The following GNAQ variants were observed in gnomAD, a reference collection of about 807,000 sequenced individuals.
GNAQ encodes the protein G protein subunit alpha q, also known as guanine nucleotide-binding protein G(q) subunit alpha.
A neutral mutation model predicts 43.9 loss-of-function variants in GNAQ; 8 were observed. That is an observed-to-expected ratio of 0.18 (90% CI 0.11 to 0.33). The LOEUF (loss-of-function observed/expected upper bound fraction) is 0.33, where lower values mean the gene tolerates loss of function less well. GNAQ is among the 10% of genes least tolerant of loss of function. The pLI is 1.00. For synonymous variants in GNAQ, 155 were observed against 170.7 expected (o/e 0.91, Z 0.71); for missense variants, 158 against 450.8 (o/e 0.35, Z 5.88).
chr9:77,830,961 T>A (rs181011345), intron 2 of GNAQ, among the ~76,000 whole-genome samples: 2 of 152,320 alleles, frequency 1.3e-5, no homozygotes, highest in East Asian at 3.9e-4. Flanking sequence ...TAATGCAACA[T>A]CTTTCAGTTA....
At chr9:77,835,421 A>G (rs1827367318) in intron 2 of GNAQ, among the ~76,000 whole-genome samples, 1 of 152,140 alleles carries the variant, frequency 6.6e-6, no homozygotes, top group African/African-American at 2.4e-5. Context: ...GAGGCTAGTG[A>G]GGAAAGGAAA....
intron 2 of GNAQ, among the ~76,000 whole-genome samples, chr9:77,887,196 G>T (rs1828322491): frequency 6.6e-6 from 1 of 152,106 alleles, no homozygotes; most frequent in Non-Finnish European, 1.5e-5. Flanking sequence ...GCTGAGCAGG[G>T]TCTCCCATGT....
chr9:77,966,499 AATT>A (rs770353362), intron 1 of GNAQ, among the ~76,000 whole-genome samples: 4 of 152,196 alleles, frequency 2.6e-5, no homozygotes, highest in Non-Finnish European at 5.9e-5. Context: ...TTTTTAAGGT[AATT>A]ATGCTTCCCC....
chr9:77,962,445 T>C (rs1477138274), intron 1 of GNAQ, among the ~76,000 whole-genome samples: 1 of 152,076 alleles, frequency 6.6e-6, no homozygotes, highest in Non-Finnish European at 1.5e-5. Context: ...AAAGACACTT[T>C]ACATGTAAAG....
chr9:77,808,211 T>C lies in GNAQ; in HGVS notation c.476+7405A>G, dbSNP rs141297380. ...AACTGGGGCTAAACCCAGCCCTTTT[T>C]CCTGTTCCTTCTCTGTAATGAAGGT... On this transcript the variant is annotated intron_variant, in intron 3 of 6. Coordinates refer to ENST00000286548, the MANE Select transcript of GNAQ (RefSeq NM_002072.5). Among the ~76,000 whole-genome samples, 161 of 152,172 alleles carry C rather than the reference T, an allele frequency of 1.1e-3. 3 individuals carry two copies. In the East Asian group the frequency reaches 0.026, roughly 25 times the overall value.
At chr9:77,732,581 G>T (rs190094593) in intron 5 of GNAQ, among the ~76,000 whole-genome samples, 94 of 152,288 alleles carry the variant, frequency 6.2e-4, no homozygotes, top group African/African-American at 2.2e-3. Context: ...GGCCAGGCTG[G>T]TAATGAACTC....
intron 1 of GNAQ, among the ~76,000 whole-genome samples, chr9:78,000,863 T>C (rs1224554588): frequency 1.3e-5 from 2 of 152,174 alleles, no homozygotes; most frequent in East Asian, 1.9e-4. Flanking sequence ...TTTAAAAGTA[T>C]GTAATCCCCA....
In GNAQ at chr9:77,906,214, T is replaced by A. The variant is rs1028071315; in HGVS notation, c.321+15947A>T. Among the ~76,000 whole-genome samples the A allele has an allele frequency of 7.9e-5, 12 of 152,288 alleles. 1 individual carries two copies. The highest frequency in any genetic ancestry group is 7.8e-4 in the Admixed American group (12 of 15,288). ...GTTTAATGATTTGAAAATATCTTAA[T>A]CTCTGGAATGAATATAGAGGAAATT... On this transcript the variant is annotated intron_variant, in intron 2 of 6. Transcript: ENST00000286548.
chr9:77,909,249 T>C (rs546421691), intron 2 of GNAQ, among the ~76,000 whole-genome samples: 18 of 152,318 alleles, frequency 1.2e-4, no homozygotes, highest in African/African-American at 4.1e-4. Flanking sequence ...TCCCCAACTT[T>C]AGTGAGGTAC....
intron 1 of GNAQ, among the ~76,000 whole-genome samples, chr9:78,002,057 A>C (rs1823650578): frequency 6.6e-6 from 1 of 152,240 alleles, no homozygotes; most frequent in Non-Finnish European, 1.5e-5. Flanking sequence ...TAAGGCCATT[A>C]ATGAAAAACC....
intron 6 of GNAQ, among the ~76,000 whole-genome samples, chr9:77,727,661 C>T (rs1371836710): frequency 1.3e-5 from 2 of 152,170 alleles, no homozygotes; most frequent in South Asian, 2.1e-4. Flanking sequence ...AAGTGTCCTA[C>T]GTGTCAGGCA....
chr9:77,772,373 T>C (rs957328788), intron 5 of GNAQ, among the ~76,000 whole-genome samples: 1 of 152,196 alleles, frequency 6.6e-6, no homozygotes, highest in African/African-American at 2.4e-5. Context: ...TTGGAAAAGA[T>C]TGGTACCTGG....
rs1024412854 is a variant in GNAQ at position 77,716,232 on chromosome 9, A to T, written c.*5091T>A. On this transcript the variant is annotated 3_prime_UTR_variant, in exon 7 of 7. Coordinates refer to ENST00000286548, the MANE Select transcript of GNAQ (RefSeq NM_002072.5). Reference sequence around the variant, plus strand: ...TCTGAGAGGGGCTCGGGCAACTTTAATGGAAGCAAAACTCAACAATGAAGA... The same window carrying T: ...TCTGAGAGGGGCTCGGGCAACTTTATTGGAAGCAAAACTCAACAATGAAGA... 1 of 220,150 alleles carries T rather than the reference A, an allele frequency of 4.5e-6. No homozygotes were observed. Among genetic ancestry groups the T allele is most frequent in the Non-Finnish European group, 9.1e-6 (1 of 109,836 alleles). The allele number at this position is 220,150 out of a possible 1,614,324, so 13.6% of individuals were successfully genotyped here. A position where few individuals can be genotyped will look rare whatever the true frequency, so the allele number is the denominator to read the frequency against.
intron 1 of GNAQ, among the ~76,000 whole-genome samples, chr9:77,975,691 C>T (rs942915326): frequency 6.6e-6 from 1 of 152,022 alleles, no homozygotes; most frequent in Non-Finnish European, 1.5e-5. Context: ...ACGCGCACAC[C>T]ACCATGCCCA....
intron 1 of GNAQ, among the ~76,000 whole-genome samples, chr9:77,982,771 G>A (rs994048813): frequency 8.0e-5 from 12 of 149,874 alleles, no homozygotes; most frequent in Admixed American, 2.7e-4. Flanking sequence ...ACAGGAAGGG[G>A]AACATCACAC....
chr9:77,967,716 T>C (rs1232950638), intron 1 of GNAQ, among the ~76,000 whole-genome samples: 1 of 152,068 alleles, frequency 6.6e-6, no homozygotes, highest in Non-Finnish European at 1.5e-5. Context: ...GCGGTGGCTC[T>C]CTCCTGTAAT....
intron 6 of GNAQ, 56 bp downstream of exon 6, chr9:77,728,458 G>GT: frequency 7.8e-7 from 1 of 1,282,310 alleles, no homozygotes; most frequent in Non-Finnish European, 1.1e-6. Flanking sequence ...CCACACTGGG[G>GT]TTTGGAGACA....
chr9:77,750,933 A>C (rs1380231349), intron 5 of GNAQ, among the ~76,000 whole-genome samples: 3 of 152,196 alleles, frequency 2.0e-5, no homozygotes, highest in Admixed American at 2.0e-4. Context: ...CATTTATCTA[A>C]CCTGTGAAGA....
At chr9:78,022,668 T>G (rs1318102538) in intron 1 of GNAQ, among the ~76,000 whole-genome samples, 1 of 152,152 alleles carries the variant, frequency 6.6e-6, no homozygotes, top group East Asian at 1.9e-4. Context: ...AAAGGCAAAC[T>G]GAACAAAAAT....
Sources: gnomAD v4.1 joint callset for allele counts (sites outside exome capture counted in the v4.1 genomes callset) on GRCh38, gnomAD v4.1.1 for gene constraint, MANE v1.5 for transcripts, NCBI Gene and HGNC (gene_info 2026-07-23, HGNC 2026-07-21) for gene names.